Variants in LACC1 observed in about 807,000 individuals in gnomAD.
LACC1 encodes purine nucleoside phosphorylase LACC1.
In LACC1, 25 loss-of-function variants were observed where a neutral mutation model predicts 34.8. The ratio of observed to expected loss-of-function variants is 0.72; its 90% CI spans 0.52 to 1.00. The LOEUF (loss-of-function observed/expected upper bound fraction) is 1.00. Ranked by LOEUF, LACC1 falls within the 50% of genes least tolerant of loss-of-function variation. LACC1 has a pLI of 0.00. For missense variants in LACC1, 426 were observed against 511.2 expected (o/e 0.83, Z 1.61); for synonymous variants, 162 against 168.0 (o/e 0.96, Z 0.28).
chr13:43,889,104 A>G lies in LACC1; in HGVS notation c.1133+122A>G, dbSNP rs528580513. The G allele has an allele frequency of 1.3e-5, 9 of 709,460 alleles. No homozygotes were observed. In the East Asian group the frequency reaches 1.3e-4, roughly 10 times the overall value. The allele number at this position is 709,460 out of a possible 1,614,324, so 43.9% of individuals were successfully genotyped here. On this transcript the variant is annotated intron_variant, in intron 5 of 6. Coordinates refer to ENST00000325686, the MANE Select transcript of LACC1 (RefSeq NM_153218.4). Reference sequence around the variant, plus strand: ...TAGGTGGTGGTTATTTAAGCAGCTGACATGCACATGTACACAAACACTCAT... The same window carrying G: ...TAGGTGGTGGTTATTTAAGCAGCTGGCATGCACATGTACACAAACACTCAT...
chr13:43,880,333 G>T (rs1008500565), intron 1 of LACC1, among the ~76,000 whole-genome samples: 2 of 151,794 alleles, frequency 1.3e-5, no homozygotes, highest in African/African-American at 4.8e-5. Context: ...GCAGGTTGGG[G>T]TGGGAGGGCT....
chr13:43,889,635 T>G (rs1265840466), intron 5 of LACC1, among the ~76,000 whole-genome samples: 1 of 152,226 alleles, frequency 6.6e-6, no homozygotes, highest in Non-Finnish European at 1.5e-5. Flanking sequence ...TAAATGTGAC[T>G]TTTAAAATCA....
At chr13:43,881,835 A>G (rs1955077346) in intron 2 of LACC1, among the ~76,000 whole-genome samples, 1 of 152,214 alleles carries the variant, frequency 6.6e-6, no homozygotes. Context: ...GACACTGAAA[A>G]TCTTCTATTT....
At position 43,881,344 on chromosome 13, in the gene LACC1, A is replaced by C. The variant is rs758994966; in HGVS notation, c.359A>C (p.Asp120Ala). The C allele has an allele frequency of 1.2e-6, 2 of 1,613,864 alleles. No individual in the cohort carries two copies. The highest frequency in any genetic ancestry group is 1.3e-5 in the African/African-American group (1 of 74,884). Residue 120 changes from aspartate to alanine, a missense_variant, in exon 2 of 7, where the codon GAT becomes GCT. Asp to Ala is a moderately radical substitution (Grantham distance 126, BLOSUM62 -2). Coordinates refer to ENST00000325686, the MANE Select transcript of LACC1 (RefSeq NM_153218.4). ...HRKTLMKAFI[D>A]QLFTDVYNFE... ...AAGACATTAATGAAAGCTTTTATTG[A>C]TCAACTCTTCACTGATGTTTACAAT...
chr13:43,882,508 TA>T (rs1039020782), intron 3 of LACC1, 145 bp downstream of exon 3: 40 of 548,406 alleles, frequency 7.3e-5, no homozygotes, highest in African/African-American at 6.8e-4. Context: ...TTCTTAGATT[TA>T]TACACCATAG....
chr13:43,887,139 A>C (rs1409739842), intron 4 of LACC1, among the ~76,000 whole-genome samples: 2 of 152,118 alleles, frequency 1.3e-5, no homozygotes, highest in Admixed American at 1.3e-4. Context: ...CTTCTCTGCC[A>C]GTTAGGTTTC....
intron 5 of LACC1, 183 bp from the exon 6 acceptor site, chr13:43,889,931 C>G: frequency 1.8e-6 from 1 of 545,412 alleles, no homozygotes; most frequent in South Asian, 2.8e-5. Context: ...GTGATAAATG[C>G]TGATAAAGTG....
At chr13:43,882,062 C>CA in intron 2 of LACC1, 123 bp from the exon 3 acceptor site, 2 of 673,388 alleles carry the variant, frequency 3.0e-6, no homozygotes. Context: ...TATGGAGGTA[C>CA]AAAATGCCAT....
At position 43,881,273 on chromosome 13, in the gene LACC1, T is replaced by A; in HGVS notation, c.288T>A (p.Asp96Glu). Residue 96 changes from aspartate (D) to glutamate (E), a missense_variant, in exon 2 of 7, where the codon GAT becomes GAA. By Grantham distance (45) the Asp-to-Glu change is conservative. This residue lies in a region of LACC1 where 217 missense variants were observed against 210.9 expected (regional missense o/e 1.03). Transcript: ENST00000325686. ...ATLYTIKQKI[D>E]EKNLSSIKVI... ...TGTATACCATTAAACAGAAAATTGA[T>A]GAAAAAAATCTGAGCAGCATTAAGG... The A allele has an allele frequency of 3.1e-6, 5 of 1,614,140 alleles. No homozygotes were observed. The highest frequency in any genetic ancestry group is 4.2e-6 in the Non-Finnish European group (5 of 1,180,022).
intron 4 of LACC1, among the ~76,000 whole-genome samples, chr13:43,885,103 G>C (rs1955251852): frequency 6.6e-6 from 1 of 152,132 alleles, no homozygotes; most frequent in Non-Finnish European, 1.5e-5. Flanking sequence ...AAAGAAAGCA[G>C]AGATAATATA....
At chr13:43,886,926 G>A (rs950212901) in intron 4 of LACC1, among the ~76,000 whole-genome samples, 4 of 151,956 alleles carry the variant, frequency 2.6e-5, no homozygotes, top group Non-Finnish European at 5.9e-5. Context: ...ATAGAAAGGA[G>A]GTGGATGAAC....
At chr13:43,887,178 T>C (rs981552342) in intron 4 of LACC1, among the ~76,000 whole-genome samples, 1 of 152,202 alleles carries the variant, frequency 6.6e-6, no homozygotes, top group African/African-American at 2.4e-5. Flanking sequence ...TCCTACCCAC[T>C]TACAGATAGA....
upstream of LACC1, chr13:43,879,768 GGGGGCGAGGTGAGGC>G (rs1954847920): frequency 8.4e-6 from 1 of 119,498 alleles, no homozygotes; most frequent in Non-Finnish European, 1.8e-5. Context: ...GGTGGGCGAG[GGGGGCGAGGTGAGGC>G]GGGGCGAGGC....
At chr13:43,882,158 T>C in intron 2 of LACC1, 27 bp from the exon 3 acceptor site, 1 of 1,564,608 alleles carries the variant, frequency 6.4e-7, no homozygotes, top group Non-Finnish European at 8.7e-7. Context: ...TAGCATCTTT[T>C]AAATCTTCAC....
rs1220872971 is a variant in LACC1, at chr13:43,886,093, A to G, written c.907+2157A>G. ...CAGTCAGAATGGCTGTTATAAAAAAAGTCAAAAAACAACAGATGTTGGTGA... is the reference window on the plus strand; with the variant it reads ...CAGTCAGAATGGCTGTTATAAAAAAGGTCAAAAAACAACAGATGTTGGTGA... On this transcript the variant is annotated intron_variant, in intron 4 of 6. Transcript: ENST00000325686. Among the ~76,000 whole-genome samples, 3 of 152,190 alleles carry G rather than the reference A, an allele frequency of 2.0e-5. No homozygotes were observed. The South Asian group carries it at 6.2e-4, about 31-fold the overall frequency.
chr13:43,887,203 A>C (rs548317484), intron 4 of LACC1, among the ~76,000 whole-genome samples: 1 of 152,268 alleles, frequency 6.6e-6, no homozygotes, highest in South Asian at 2.1e-4. Context: ...TGATGTCTTC[A>C]TTCTGTACTT....
chr13:43,890,652 A>G (rs1478858031), intron 6 of LACC1, among the ~76,000 whole-genome samples: 9 of 152,194 alleles, frequency 5.9e-5, no homozygotes, highest in Admixed American at 5.9e-4. Context: ...TACATTCCCT[A>G]TCCTCACATC....
intron 4 of LACC1, among the ~76,000 whole-genome samples, chr13:43,886,237 C>T (rs1464892671): frequency 6.6e-6 from 1 of 152,138 alleles, no homozygotes; most frequent in Non-Finnish European, 1.5e-5. Flanking sequence ...ACCATTCAAC[C>T]CAGCAATCCC....
At chr13:43,886,850 A>G (rs1054171332) in intron 4 of LACC1, among the ~76,000 whole-genome samples, 2 of 152,176 alleles carry the variant, frequency 1.3e-5, no homozygotes, top group African/African-American at 4.8e-5. Flanking sequence ...AAATTCTTCT[A>G]TGGGACTAAT....
Sources: allele counts gnomAD v4.1 joint callset (sites outside exome capture counted in the v4.1 genomes callset), GRCh38; gene constraint gnomAD v4.1.1; regional missense constraint gnomAD v4.1.1; transcripts MANE v1.5; gene names NCBI Gene and HGNC (gene_info 2026-07-23, HGNC 2026-07-21).